Variants in PIP5K1B observed in about 807,000 individuals in gnomAD.
PIP5K1B encodes phosphatidylinositol 4-phosphate 5-kinase type-1 beta.
A neutral mutation model predicts 67.0 loss-of-function variants in PIP5K1B; 42 were observed. The observed-to-expected ratio is 0.63, with a 90% CI of 0.49 to 0.81. PIP5K1B has a LOEUF of 0.81. PIP5K1B is among the 30% of genes least tolerant of loss of function. PIP5K1B has a pLI of 0.00. For synonymous variants in PIP5K1B, 214 were observed against 231.4 expected (o/e 0.92, Z 0.68); for missense variants, 459 against 646.3 (o/e 0.71, Z 3.14).
chr9:68,933,792 C>A (rs1827125140), intron 12 of PIP5K1B, among the ~76,000 whole-genome samples: 2 of 152,164 alleles, frequency 1.3e-5, no homozygotes, highest in Admixed American at 6.5e-5. Context: ...GACAAATAAA[C>A]CTTCCCTTCT....
intron 2 of PIP5K1B, among the ~76,000 whole-genome samples, chr9:68,767,597 A>T (rs1434577384): frequency 5.5e-5 from 2 of 36,192 alleles, no homozygotes; most frequent in East Asian, 1.2e-3. Flanking sequence ...CTGTCTTAAA[A>T]AAAAAAAAAA....
At chr9:68,939,439 G>C (rs1320136032) in intron 13 of PIP5K1B, among the ~76,000 whole-genome samples, 1 of 152,198 alleles carries the variant, frequency 6.6e-6, no homozygotes, top group African/African-American at 2.4e-5. Flanking sequence ...ATGTTATGGA[G>C]AGTTTTCATG....
intron 14 of PIP5K1B, among the ~76,000 whole-genome samples, chr9:68,970,081 A>C (rs1179513310): frequency 6.6e-6 from 1 of 152,208 alleles, no homozygotes; most frequent in Non-Finnish European, 1.5e-5. Flanking sequence ...TTACTTACTT[A>C]ACATCACACA....
intron 8 of PIP5K1B, among the ~76,000 whole-genome samples, chr9:68,912,828 G>A (rs188873972): frequency 2.2e-4 from 34 of 152,260 alleles, no homozygotes; most frequent in Non-Finnish European, 3.7e-4. Context: ...AGCAAAAGGA[G>A]GACCAGCTGC....
At position 68,724,227 on chromosome 9, in the gene PIP5K1B, T is replaced by G. The variant is rs57221665; in HGVS notation, c.-242-18274T>G. On this transcript the variant is annotated intron_variant, in intron 1 of 15. Transcript: ENST00000265382. ...AGTTCCGTAGGTCTATGTGTCTGTGTTTTTTTTGGGTTTTTTTTTTTTTGT... is the reference window on the plus strand; with the variant it reads ...AGTTCCGTAGGTCTATGTGTCTGTGGTTTTTTTGGGTTTTTTTTTTTTTGT... 9.1e-3 allele frequency among the ~76,000 whole-genome samples: 992 copies of G among 109,186 alleles called. 8 individuals carry two copies. Among genetic ancestry groups the G allele is most frequent in the African/African-American group, 0.038 (901 of 23,520 alleles). 71.6% of individuals were successfully genotyped at this position (109,186 alleles called of 152,430 possible). A position where few individuals can be genotyped will look rare whatever the true frequency, so the allele number is the denominator to read the frequency against.
At chr9:68,988,387 GAAAT>G (rs1297998397) in intron 14 of PIP5K1B, among the ~76,000 whole-genome samples, 1 of 143,946 alleles carries the variant, frequency 6.9e-6, no homozygotes, top group African/African-American at 2.5e-5. Flanking sequence ...TATTAGGAAA[GAAAT>G]AAAAATCATA....
At chr9:68,952,691 G>A (rs1828141568) in intron 14 of PIP5K1B, among the ~76,000 whole-genome samples, 1 of 151,410 alleles carries the variant, frequency 6.6e-6, no homozygotes, top group African/African-American at 2.4e-5. Context: ...TTTCAACATG[G>A]TGAAGGCTTG....
chr9:68,921,442 C>T (rs545708268), intron 11 of PIP5K1B, among the ~76,000 whole-genome samples: 1 of 152,176 alleles, frequency 6.6e-6, no homozygotes, highest in East Asian at 1.9e-4. Flanking sequence ...CATAGTACCT[C>T]GAACATTGAA....
intron 12 of PIP5K1B, among the ~76,000 whole-genome samples, chr9:68,933,379 G>A (rs1827100624): frequency 6.6e-6 from 1 of 152,152 alleles, no homozygotes; most frequent in Admixed American, 6.5e-5. Flanking sequence ...TAAAACAAGT[G>A]TAACCACTGT....
At chr9:68,908,053 G>A (rs143377856) in intron 8 of PIP5K1B, among the ~76,000 whole-genome samples, 8 of 152,340 alleles carry the variant, frequency 5.3e-5, no homozygotes, top group Admixed American at 3.9e-4. Flanking sequence ...ACACATGGAC[G>A]TGGATGTGGG....
intron 6 of PIP5K1B, among the ~76,000 whole-genome samples, chr9:68,877,579 A>G (rs1823959836): frequency 6.6e-6 from 1 of 152,204 alleles, no homozygotes. Flanking sequence ...TCTTAATAAG[A>G]CTTGAGCCAG....
intron 1 of PIP5K1B, among the ~76,000 whole-genome samples, chr9:68,716,710 A>G (rs1001337120): frequency 6.6e-6 from 1 of 152,238 alleles, no homozygotes; most frequent in Non-Finnish European, 1.5e-5. Context: ...AAATAGAATT[A>G]TCATTCAACC....
chr9:68,764,942 TA>T (rs1180108077), intron 2 of PIP5K1B, among the ~76,000 whole-genome samples: 5 of 151,904 alleles, frequency 3.3e-5, no homozygotes, highest in African/African-American at 7.2e-5. Context: ...ATTTTTATTT[TA>T]AAAAAAAGTG....
chr9:68,782,923 C>G (rs1331577328), intron 2 of PIP5K1B: 1 of 167,052 alleles, frequency 6.0e-6, no homozygotes, highest in Non-Finnish European at 1.5e-5. Flanking sequence ...TTTGACTTTT[C>G]CTTTTCTCTG....
chr9:68,843,311 G>A (rs547446305), intron 4 of PIP5K1B: 65 of 152,306 alleles, frequency 4.3e-4, no homozygotes, highest in Non-Finnish European at 8.1e-4. Context: ...GGGAGGAAAT[G>A]ACTAGGAGGC....
At chr9:68,862,012 C>T (rs953422214) in intron 4 of PIP5K1B, among the ~76,000 whole-genome samples, 13 of 151,844 alleles carry the variant, frequency 8.6e-5, no homozygotes, top group African/African-American at 1.9e-4. Flanking sequence ...AAGAAAAACA[C>T]GAAGACATTT....
intron 14 of PIP5K1B, among the ~76,000 whole-genome samples, chr9:68,969,967 T>G (rs1166716667): frequency 6.6e-6 from 1 of 151,736 alleles, no homozygotes; most frequent in African/African-American, 2.4e-5. Context: ...GACATGAAAT[T>G]TTTTTAGTTG....
At chr9:68,867,989 A>G (rs1823444759) in intron 5 of PIP5K1B, among the ~76,000 whole-genome samples, 1 of 152,154 alleles carries the variant, frequency 6.6e-6, no homozygotes. Flanking sequence ...GCTCAAAGTT[A>G]TTTTTAAATA....
intron 13 of PIP5K1B, among the ~76,000 whole-genome samples, chr9:68,936,805 A>G (rs979881610): frequency 3.9e-5 from 6 of 152,182 alleles, no homozygotes; most frequent in Non-Finnish European, 8.8e-5. Context: ...GCTCCCCTGC[A>G]CTGGCATCTC....
Sources: gnomAD v4.1 joint callset for allele counts (sites outside exome capture counted in the v4.1 genomes callset) on GRCh38, gnomAD v4.1.1 for gene constraint, MANE v1.5 for transcripts, NCBI Gene and HGNC (gene_info 2026-07-23, HGNC 2026-07-21) for gene names.